Variants in ABCA6 observed in about 807,000 individuals in gnomAD.
ABCA6 encodes the protein ATP binding cassette subfamily A member 6, also known as ATP-binding cassette sub-family A member 6.
ABCA6 carries 164 observed loss-of-function variants against 191.2 expected under a neutral mutation model. That is an observed-to-expected ratio of 0.86 (90% confidence interval 0.76 to 0.98). The LOEUF is 0.98. ABCA6 is among the 50% of genes least tolerant of loss of function. The pLI, the probability that ABCA6 is intolerant of heterozygous loss-of-function variation, is 0.00. For missense variants in ABCA6, 1,958 were observed against 1,894.1 expected (o/e 1.03, Z -0.63); for synonymous variants, 636 against 647.7 (o/e 0.98, Z 0.27).
In ABCA6 at chr17:69,140,014, G is replaced by T. The variant is rs1283049461; in HGVS notation, c.96+594C>A. Among the ~76,000 whole-genome samples the T allele has an allele frequency of 2.0e-5, 3 of 151,250 alleles. No individual in the cohort carries two copies. In the East Asian group the frequency reaches 5.8e-4, roughly 29 times the overall value. ...CTAATGCTAAATGGCGAGTTAATGG[G>T]TGCAGCACACCAGCATGGCACATGT... On this transcript the variant is annotated intron_variant, in intron 2 of 38. Transcript: ENST00000284425.
At chr17:69,092,108 A>AT (rs900521120) in intron 25 of ABCA6, among the ~76,000 whole-genome samples, 18 of 151,872 alleles carry the variant, frequency 1.2e-4, no homozygotes, top group African/African-American at 1.9e-4. Flanking sequence ...TTATTTTACA[A>AT]TTTTTTTTAC....
rs142470758 is a variant in ABCA6 at position 69,091,287 on chromosome 17, G to T, written c.3409-25C>A. 3,475 of 1,604,912 alleles carry T rather than the reference G, an allele frequency of 2.2e-3. 12 individuals carry two copies. Among genetic ancestry groups the T allele is most frequent in the Non-Finnish European group, 2.7e-3 (3,215 of 1,177,856 alleles). On this transcript the variant is annotated intron_variant, in intron 25 of 38. Transcript: ENST00000284425. Reference sequence around the variant, plus strand: ...CCTACAAGGCAAGTTCAAATATATTGTATCAGACATACTCAACCCATTGAT... The same window carrying T: ...CCTACAAGGCAAGTTCAAATATATTTTATCAGACATACTCAACCCATTGAT...
At position 69,082,959 on chromosome 17, in the gene ABCA6, T is replaced by C. The variant is rs1485915243; in HGVS notation, c.4530A>G (p.Leu1510=). ...LKNKLGKDYI[L]ELKVKETSQV... Reference sequence around the variant, plus strand: ...GAGACGTTTCCTTCACTTTTAGCTCTAGAATGTAATCCTTGCCAAGTTTGT... The same window carrying C: ...GAGACGTTTCCTTCACTTTTAGCTCCAGAATGTAATCCTTGCCAAGTTTGT... Residue 1510 remains leucine (L), a synonymous_variant, in exon 36 of 39, where the codon CTA becomes CTG. Transcript: ENST00000284425. 1 of 1,614,112 alleles carries C rather than the reference T, an allele frequency of 6.2e-7. No homozygotes were observed. Among genetic ancestry groups the C allele is most frequent in the African/African-American group, 1.3e-5 (1 of 74,944 alleles).
chr17:69,139,283 A>G (rs1457827753), intron 2 of ABCA6, among the ~76,000 whole-genome samples: 2 of 152,192 alleles, frequency 1.3e-5, no homozygotes, highest in African/African-American at 2.4e-5. Flanking sequence ...AAAAGTGGGC[A>G]AAGGATATGA....
intron 20 of ABCA6, 67 bp downstream of exon 20, chr17:69,105,395 C>T: frequency 2.8e-6 from 4 of 1,420,690 alleles, no homozygotes; most frequent in Non-Finnish European, 1.9e-6. Context: ...TTCCCCCCCC[C>T]ACCTCCTGTG....
chr17:69,106,721 A>G (rs1278247047), intron 18 of ABCA6, among the ~76,000 whole-genome samples: 1 of 151,550 alleles, frequency 6.6e-6, no homozygotes, highest in Non-Finnish European at 1.5e-5. Context: ...TTTTCTTTCT[A>G]TAGTGAAGTT....
rs2073213566 is a variant in ABCA6 at position 69,102,918 on chromosome 17, A to C, written c.2791T>G (p.Leu931Val). 3 of 1,583,796 alleles carry C rather than the reference A, an allele frequency of 1.9e-6. No individual in the cohort carries two copies. The highest frequency in any genetic ancestry group is 2.6e-6 in the Non-Finnish European group (3 of 1,159,710). ...CTGTTTTCAAAGTCATCTACTTCCA[A>C]AAGTATATTTTGATGCTTCAGTGAT... ...IKSLKHQNIL[L>V]EVDDFENRNG... The change falls in exon 21 of 39, where the codon TTG becomes GTG. Residue 931 changes from leucine to valine, a missense_variant. Physicochemically the swap from Leu to Val is conservative, Grantham distance 32. Coordinates refer to ENST00000284425, the MANE Select transcript of ABCA6 (RefSeq NM_080284.3).
chr17:69,105,404 T>C (rs2073275236), intron 20 of ABCA6, 58 bp downstream of exon 20: 2 of 1,434,718 alleles, frequency 1.4e-6, no homozygotes, highest in South Asian at 2.6e-5. Context: ...CCACCTCCTG[T>C]GCTATTCAAC....
intron 36 of ABCA6, among the ~76,000 whole-genome samples, chr17:69,082,352 C>T (rs1425747741): frequency 6.6e-6 from 1 of 150,940 alleles, no homozygotes; most frequent in Non-Finnish European, 1.5e-5. Flanking sequence ...CACACACACA[C>T]ACACACACAC....
Position 69,096,627 on chromosome 17 carries a change from C to G in ABCA6, c.3294+1G>C. 1 of 1,521,984 alleles carries G rather than the reference C, an allele frequency of 6.6e-7. No homozygotes were observed. The highest frequency in any genetic ancestry group is 1.4e-5 in the South Asian group (1 of 72,942). The allele number at this position is 1,521,984 out of a possible 1,614,324, so 94.3% of individuals were successfully genotyped here. On this transcript the variant is annotated splice_donor_variant, in intron 24 of 38. Coordinates refer to ENST00000284425, the MANE Select transcript of ABCA6 (RefSeq NM_080284.3). LOFTEE classifies it high-confidence loss of function. ...TTTGGTTTATGTACTGTGTTACTTA[C>G]CAAAGCAAACACAATTTGGCTTGTA...
At chr17:69,116,501 G>A (rs554583976) in intron 11 of ABCA6, among the ~76,000 whole-genome samples, 1 of 151,970 alleles carries the variant, frequency 6.6e-6, no homozygotes, top group Non-Finnish European at 1.5e-5. Context: ...TGCTTCCTTT[G>A]AATAATTCTG....
At chr17:69,090,882 G>A (rs1598447064) in intron 26 of ABCA6, among the ~76,000 whole-genome samples, 1 of 152,212 alleles carries the variant, frequency 6.6e-6, no homozygotes, top group South Asian at 2.1e-4. Flanking sequence ...AAGTTTAAAT[G>A]TTTTATTGAG....
intron 36 of ABCA6, 104 bp from the exon 37 acceptor site, chr17:69,081,249 G>A: frequency 1.6e-6 from 1 of 606,232 alleles, no homozygotes; most frequent in Non-Finnish European, 2.9e-6. Context: ...TAAAATAAAA[G>A]TAATGCAAAT....
At chr17:69,114,979 T>C (rs373491408) in intron 12 of ABCA6, 42 bp from the exon 13 acceptor site, 4 of 1,420,064 alleles carry the variant, frequency 2.8e-6, no homozygotes, top group Non-Finnish European at 2.9e-6. Context: ...AGATAATACA[T>C]TCTATTAATA....
At chr17:69,084,014 T>C (rs1318347703) in intron 34 of ABCA6, among the ~76,000 whole-genome samples, 1 of 152,236 alleles carries the variant, frequency 6.6e-6, no homozygotes, top group African/African-American at 2.4e-5. Flanking sequence ...AATATTTTTG[T>C]ATTTTAACAG....
chr17:69,088,103 G>T, intron 28 of ABCA6, 64 bp downstream of exon 28: 1 of 1,344,016 alleles, frequency 7.4e-7, no homozygotes. Flanking sequence ...CAAGATGATA[G>T]CACAGACACC....
At chr17:69,084,634 T>A in intron 32 of ABCA6, 127 bp from the exon 33 acceptor site, 2 of 839,998 alleles carry the variant, frequency 2.4e-6, no homozygotes, top group Non-Finnish European at 3.6e-6. Flanking sequence ...CTCATAATTT[T>A]AAAAAAGAGA....
chr17:69,118,124 TTCCCCTGAGGTAGAAAATAG>T, intron 10 of ABCA6, 168 bp from the exon 11 acceptor site: 1 of 458,352 alleles, frequency 2.2e-6, no homozygotes, highest in East Asian at 3.6e-5. Flanking sequence ...GATTACTTAT[TTCCCCTGAGGTAGAAAATAG>T]AGGAGTCTCT....
chr17:69,117,807 A>G (rs2073564284), intron 11 of ABCA6, 91 bp downstream of exon 11: 3 of 896,110 alleles, frequency 3.3e-6, no homozygotes, highest in Non-Finnish European at 5.3e-6. Flanking sequence ...TTGCTTATCT[A>G]CATATTTCAA....
Sources: gnomAD v4.1 joint callset for allele counts (sites outside exome capture counted in the v4.1 genomes callset) on GRCh38, gnomAD v4.1.1 for gene constraint, MANE v1.5 for transcripts, NCBI Gene and HGNC (gene_info 2026-07-23, HGNC 2026-07-21) for gene names.